Variants in ZNF701 observed in about 807,000 individuals in gnomAD.
The protein encoded by ZNF701 is zinc finger protein 701.
Under a neutral mutation model 7.1 loss-of-function variants are expected in ZNF701, and 6 were observed. The observed-to-expected ratio is 0.84, with a 90% CI of 0.46 to 1.66. The LOEUF (loss-of-function observed/expected upper bound fraction) is 1.66, where lower values mean the gene tolerates loss of function less well. Among genes scored for constraint, ZNF701 ranks in the 40% most tolerant of loss-of-function variants. ZNF701 has a pLI of 0.01. For synonymous variants in ZNF701, 166 were observed against 188.2 expected (o/e 0.88, Z 0.97); for missense variants, 541 against 559.2 (o/e 0.97, Z 0.33).
Position 52,583,606 on chromosome 19 carries a change from CT to C in ZNF701, c.*150del. On this transcript the variant is annotated 3_prime_UTR_variant, in exon 4 of 4. Transcript: ENST00000391785. Reference sequence around the variant, plus strand: ...CTTGAAATACATAGGAGAGTTCATACTGGAGAGAAACCATACAAATGTAAGG... The same window carrying C: ...CTTGAAATACATAGGAGAGTTCATACGGAGAGAAACCATACAAATGTAAGG... The C allele has an allele frequency of 1.5e-6, 2 of 1,359,374 alleles. No homozygotes were observed. The highest frequency in any genetic ancestry group is 1.1e-6 in the Non-Finnish European group (1 of 949,256). The allele number at this position is 1,359,374 out of a possible 1,614,324, so 84.2% of individuals were successfully genotyped here. A position where few individuals can be genotyped will look rare whatever the true frequency, so the allele number is the denominator to read the frequency against.
At chr19:52,572,976 T>C in intron 1 of ZNF701, 1 of 279,702 alleles carries the variant, frequency 3.6e-6, no homozygotes, top group Non-Finnish European at 6.9e-6. Context: ...ATGTCTCCCA[T>C]GCCCTCCCAC....
In ZNF701 at chr19:52,583,691, TGGAAA is replaced by T; in HGVS notation, c.*239_*243del. The T allele has an allele frequency of 1.1e-6, 1 of 898,212 alleles. No homozygotes were observed. The highest frequency in any genetic ancestry group is 2.4e-5 in the East Asian group (1 of 41,416). 55.6% of individuals were successfully genotyped at this position (898,212 alleles called of 1,614,324 possible). ...TGGCCCAACATACTGGAATTCACAC[TGGAAA>T]GGAACTGTACAAGTGTAATGAGTGT... On this transcript the variant is annotated 3_prime_UTR_variant, in exon 4 of 4. Coordinates refer to ENST00000391785, the MANE Select transcript of ZNF701 (RefSeq NM_018260.3).
the ZNF701 span, chr19:52,597,687 G>A: frequency 3.3e-6 from 1 of 305,730 alleles, no homozygotes; most frequent in Non-Finnish European, 6.3e-6. Flanking sequence ...AGAAGGGGCA[G>A]GGCCTTGAAC....
the ZNF701 span, chr19:52,598,532 TTGAG>T: frequency 1.3e-5 from 2 of 152,106 alleles, no homozygotes; most frequent in South Asian, 4.2e-4. Flanking sequence ...CCTGGGTTGT[TTGAG>T]TGGATAATGG....
the ZNF701 span, among the ~76,000 whole-genome samples, chr19:52,599,114 G>A: frequency 2.6e-5 from 4 of 150,976 alleles, no homozygotes; most frequent in East Asian, 1.9e-4. Flanking sequence ...CACAACCTCC[G>A]TCTCCCGAGT....
chr19:52,579,692 G>C (rs1429590189), intron 3 of ZNF701, among the ~76,000 whole-genome samples: 4 of 139,920 alleles, frequency 2.9e-5, no homozygotes, highest in Admixed American at 2.8e-4. Context: ...TAGTTAACAT[G>C]GTGAAACTTC....
intron 1 of ZNF701, 65 bp from the exon 2 acceptor site, chr19:52,574,012 T>A: frequency 6.6e-7 from 1 of 1,526,010 alleles, no homozygotes; most frequent in South Asian, 1.1e-5. Context: ...TTTGTATGTG[T>A]CATTGTGTTA....
the ZNF701 span, among the ~76,000 whole-genome samples, chr19:52,592,390 T>C: frequency 2.0e-5 from 3 of 152,238 alleles, no homozygotes; most frequent in Non-Finnish European, 4.4e-5. Flanking sequence ...GACAGCTTCT[T>C]AGAGACTCCC....
At chr19:52,593,763 T>C in the ZNF701 span, among the ~76,000 whole-genome samples, 3 of 99,490 alleles carry the variant, frequency 3.0e-5, no homozygotes, top group African/African-American at 8.1e-5. Flanking sequence ...CCAGACGGGG[T>C]GGCAGGGCAG....
At chr19:52,576,154 A>G in intron 3 of ZNF701, 133 bp downstream of exon 3, 2 of 1,549,054 alleles carry the variant, frequency 1.3e-6, no homozygotes, top group South Asian at 2.5e-5. Flanking sequence ...GAAAAGCTTC[A>G]TGATGTAGCA....
chr19:52,590,503 T>C (rs556361998), downstream of ZNF701, among the ~76,000 whole-genome samples: 6 of 152,334 alleles, frequency 3.9e-5, no homozygotes, highest in African/African-American at 1.2e-4. Context: ...TAGTTCTTCA[T>C]AATTTCCATA....
At chr19:52,595,660 C>T in the ZNF701 span, 31 of 1,280,310 alleles carry the variant, frequency 2.4e-5, no homozygotes, top group African/African-American at 8.9e-5. Flanking sequence ...CAACTGGGCA[C>T]GGTAATACAG....
chr19:52,576,614 G>A (rs556576885), intron 3 of ZNF701, among the ~76,000 whole-genome samples: 14 of 143,872 alleles, frequency 9.7e-5, no homozygotes, highest in African/African-American at 3.3e-4. Flanking sequence ...CTGTGCTTTC[G>A]ATTCAGTAGT....
In ZNF701 at chr19:52,585,751, T is replaced by A. The variant is rs569723599; in HGVS notation, c.*2294T>A. The A allele has an allele frequency of 2.2e-5, 3 of 136,766 alleles. No individual in the cohort carries two copies. Among genetic ancestry groups the A allele is most frequent in the Non-Finnish European group, 5.1e-5 (3 of 58,742 alleles). 8.5% of individuals were successfully genotyped at this position (136,766 alleles called of 1,614,324 possible). A position where few individuals can be genotyped will look rare whatever the true frequency, so the allele number is the denominator to read the frequency against. On this transcript the variant is annotated 3_prime_UTR_variant, in exon 4 of 4. Coordinates refer to ENST00000391785, the MANE Select transcript of ZNF701 (RefSeq NM_018260.3). ...TTATCTGGATGAAGAATTTGGCCCT[T>A]GGCCAAGGAAATAACTGAGGTAAAT...
chr19:52,583,795 G>A lies in ZNF701; in HGVS notation c.*338G>A. On this transcript the variant is annotated 3_prime_UTR_variant, in exon 4 of 4. Coordinates refer to ENST00000391785, the MANE Select transcript of ZNF701 (RefSeq NM_018260.3). ...CATGGTATAGGGAAACTTGACTAATGTAATGATTGTCACAAAGTCTTCAGT... is the reference window on the plus strand; with the variant it reads ...CATGGTATAGGGAAACTTGACTAATATAATGATTGTCACAAAGTCTTCAGT... 1 of 611,588 alleles carries A rather than the reference G, an allele frequency of 1.6e-6. No homozygotes were observed. Among genetic ancestry groups the A allele is most frequent in the Non-Finnish European group, 3.0e-6 (1 of 328,222 alleles). 37.9% of individuals were successfully genotyped at this position (611,588 alleles called of 1,614,324 possible).
rs377186984 is a variant in ZNF701 at position 52,583,060 on chromosome 19, T to G, written c.1001T>G (p.Val334Gly). 96 of 1,612,918 alleles carry G rather than the reference T, an allele frequency of 6.0e-5. No homozygotes were observed. Among genetic ancestry groups the G allele is most frequent in the Non-Finnish European group, 7.5e-5 (88 of 1,179,774 alleles). Residue 334 changes from valine (V) to glycine (G), a missense_variant, in exon 4 of 4, where the codon GTT becomes GGT. Val to Gly is a moderately radical substitution (Grantham distance 109). Coordinates refer to ENST00000391785, the MANE Select transcript of ZNF701 (RefSeq NM_018260.3). ...TACAAATGTGAAGAATGTGACAAAGTTTTCAGTCGCAAATCACACCTTGAA... is the reference window on the plus strand; with the variant it reads ...TACAAATGTGAAGAATGTGACAAAGGTTTCAGTCGCAAATCACACCTTGAA... ...KPYKCEECDK[V>G]FSRKSHLERH...
downstream of ZNF701, chr19:52,591,953 A>G (rs1050319857): frequency 2.5e-5 from 11 of 446,042 alleles, no homozygotes; most frequent in Non-Finnish European, 4.4e-5. Flanking sequence ...GCAACTATAC[A>G]GAAAAAACTG....
In ZNF701 at chr19:52,584,569, A is replaced by G. The variant is rs1169711360; in HGVS notation, c.*1112A>G. The G allele has an allele frequency of 6.6e-6, 1 of 152,234 alleles. No individual in the cohort carries two copies. Among genetic ancestry groups the G allele is most frequent in the Admixed American group, 6.5e-5 (1 of 15,282 alleles). The allele number at this position is 152,234 out of a possible 1,614,324, so 9.4% of individuals were successfully genotyped here. ...ACAATATTGATTTTTCCAAACCATC[A>G]ATGTGGGTTGTATATATATGTTTTT... is the stretch of plus-strand genomic sequence containing the variant. On this transcript the variant is annotated 3_prime_UTR_variant, in exon 4 of 4. Transcript: ENST00000391785.
At chr19:52,578,367 C>G (rs534015124) in intron 3 of ZNF701, among the ~76,000 whole-genome samples, 2 of 151,954 alleles carry the variant, frequency 1.3e-5, no homozygotes, top group Non-Finnish European at 2.9e-5. Context: ...CCTATGATCA[C>G]GTGACTTGCT....
Sources: gnomAD v4.1 joint callset for allele counts (sites outside exome capture counted in the v4.1 genomes callset) on GRCh38, gnomAD v4.1.1 for gene constraint, MANE v1.5 for transcripts, NCBI Gene and HGNC (gene_info 2026-07-23, HGNC 2026-07-21) for gene names.